Variants in ATP8A2 observed in about 807,000 individuals in gnomAD.
The protein encoded by ATP8A2 is ATPase phospholipid transporting 8A2.
ATP8A2 carries 100 observed loss-of-function variants against 165.6 expected under a neutral mutation model. That is an observed-to-expected ratio of 0.60 (90% CI 0.51 to 0.71). The LOEUF is 0.71. Ranked by LOEUF, ATP8A2 falls within the 30% of genes least tolerant of loss-of-function variation. ATP8A2 has a pLI of 0.00. For synonymous variants in ATP8A2, 543 were observed against 548.8 expected (o/e 0.99, Z 0.15); for missense variants, 1,227 against 1,479.5 (o/e 0.83, Z 2.80).
At chr13:25,534,147 G>T (rs771477361) in intron 6 of ATP8A2, 6 of 529,830 alleles carry the variant, frequency 1.1e-5, no homozygotes, top group South Asian at 2.8e-5. Context: ...TGCAGCATTT[G>T]CTTTAGTTTT....
intron 25 of ATP8A2, among the ~76,000 whole-genome samples, chr13:25,742,876 A>G (rs561634078): frequency 3.3e-5 from 5 of 152,070 alleles, no homozygotes; most frequent in Non-Finnish European, 5.9e-5. Flanking sequence ...TAGAACAGAC[A>G]AGTTTGGTGG....
chr13:25,776,694 C>T (rs896610717), intron 27 of ATP8A2, among the ~76,000 whole-genome samples: 13 of 152,222 alleles, frequency 8.5e-5, no homozygotes, highest in African/African-American at 2.2e-4. Flanking sequence ...AGGTCATGGA[C>T]GATAGTGTAA....
intron 27 of ATP8A2, among the ~76,000 whole-genome samples, chr13:25,819,227 AT>A (rs1446740027): frequency 6.6e-6 from 1 of 152,140 alleles, no homozygotes; most frequent in Non-Finnish European, 1.5e-5. Flanking sequence ...TAGAAGTGTT[AT>A]TAGTATGTGA....
rs981042099 is a variant in ATP8A2, at chr13:25,623,132, T to A, written c.2211+33433T>A. Among the ~76,000 whole-genome samples, 26 of 152,118 alleles carry A rather than the reference T, an allele frequency of 1.7e-4. 1 individual carries two copies. The highest frequency in any genetic ancestry group is 5.9e-5 in the Non-Finnish European group (4 of 68,008). ...CGCACAGTAGCTCATGCCTGTAATC[T>A]CAGCACTTTGGGAGGCCAAGGCGGG... is the stretch of plus-strand genomic sequence containing the variant. On this transcript the variant is annotated intron_variant, in intron 24 of 36. Coordinates refer to ENST00000381655, the MANE Select transcript of ATP8A2 (RefSeq NM_016529.6).
At chr13:25,640,984 A>C (rs1353754447) in intron 24 of ATP8A2, among the ~76,000 whole-genome samples, 1 of 152,222 alleles carries the variant, frequency 6.6e-6, no homozygotes, top group Non-Finnish European at 1.5e-5. Flanking sequence ...CAGCATATAA[A>C]CAGAACCAAA....
At chr13:25,656,091 G>A (rs1362133858) in intron 24 of ATP8A2, among the ~76,000 whole-genome samples, 7 of 152,124 alleles carry the variant, frequency 4.6e-5, no homozygotes, top group Non-Finnish European at 1.0e-4. Flanking sequence ...TGGACCCATC[G>A]CTGAAACCCT....
At chr13:25,620,674 A>T (rs546685819) in intron 24 of ATP8A2, among the ~76,000 whole-genome samples, 11 of 152,230 alleles carry the variant, frequency 7.2e-5, no homozygotes, top group Non-Finnish European at 1.5e-4. Flanking sequence ...ATGTTTAAAA[A>T]TCCTCATATT....
In ATP8A2 at chr13:25,792,866, G is replaced by A. The variant is rs376237242; in HGVS notation, c.2679+17907G>A. ...TTAAGCTCATGAGGTCGAGGCTGCA[G>A]TGAGCTATGATCACAGCACAACAAT... On this transcript the variant is annotated intron_variant, in intron 27 of 36. Transcript: ENST00000381655. 1.3e-4 allele frequency among the ~76,000 whole-genome samples: 20 copies of A among 151,872 alleles called. 1 individual carries two copies. The South Asian group carries it at 4.2e-3, about 32-fold the overall frequency.
intron 1 of ATP8A2, among the ~76,000 whole-genome samples, chr13:25,428,585 G>A (rs973703700): frequency 6.6e-6 from 1 of 152,196 alleles, no homozygotes; most frequent in African/African-American, 2.4e-5. Flanking sequence ...GGAGTCAAGA[G>A]GAGCCTCTGA....
Position 25,697,044 on chromosome 13 carries a change from G to T in ATP8A2, c.2212-2129G>T, listed in dbSNP as rs79782625. Among the ~76,000 whole-genome samples, 2,499 of 152,308 alleles carry T rather than the reference G, an allele frequency of 0.016. 180 individuals carry two copies. The East Asian group carries it at 0.23, about 14-fold the overall frequency. On this transcript the variant is annotated intron_variant, in intron 24 of 36. Coordinates refer to ENST00000381655, the MANE Select transcript of ATP8A2 (RefSeq NM_016529.6). ...AATGTGACACAGAGGCACGAAGTGA[G>T]CCGGTGCTGTTGGATAAATGGTGCT...
At chr13:25,641,581 C>T (rs2041523477) in intron 24 of ATP8A2, among the ~76,000 whole-genome samples, 1 of 152,134 alleles carries the variant, frequency 6.6e-6, no homozygotes, top group African/African-American at 2.4e-5. Flanking sequence ...GAACTACAAA[C>T]CACTGCTCAA....
At chr13:25,814,803 C>A (rs545454255) in intron 27 of ATP8A2, among the ~76,000 whole-genome samples, 1 of 152,098 alleles carries the variant, frequency 6.6e-6, no homozygotes, top group South Asian at 2.1e-4. Flanking sequence ...ATCACTTGAG[C>A]CAAGGAATTT....
intron 35 of ATP8A2, among the ~76,000 whole-genome samples, chr13:25,996,968 G>A (rs1956523478): frequency 6.6e-6 from 1 of 152,168 alleles, no homozygotes; most frequent in South Asian, 2.1e-4. Context: ...ACAGGCGTGA[G>A]CCACCATGCC....
chr13:25,752,417 T>C (rs1057467047), intron 25 of ATP8A2, among the ~76,000 whole-genome samples: 3 of 152,020 alleles, frequency 2.0e-5, no homozygotes, highest in African/African-American at 7.2e-5. Flanking sequence ...GAGATCATAC[T>C]CTTGCACTCC....
intron 2 of ATP8A2, among the ~76,000 whole-genome samples, chr13:25,489,983 T>C (rs2036472029): frequency 6.6e-6 from 1 of 152,242 alleles, no homozygotes; most frequent in South Asian, 2.1e-4. Flanking sequence ...TTAAAACTTG[T>C]GTGTTCAACA....
intron 33 of ATP8A2, among the ~76,000 whole-genome samples, chr13:25,912,195 C>T (rs1954131509): frequency 1.8e-5 from 2 of 109,940 alleles, no homozygotes; most frequent in African/African-American, 9.4e-5. Flanking sequence ...CACACACACA[C>T]AGTGGAATAG....
intron 2 of ATP8A2, among the ~76,000 whole-genome samples, chr13:25,515,952 A>G (rs551604347): frequency 2.0e-5 from 3 of 152,386 alleles, no homozygotes; most frequent in African/African-American, 7.2e-5. Flanking sequence ...AAACAAAGAA[A>G]TGTCAGTTAG....
At chr13:25,908,617 T>G (rs534953852) in intron 33 of ATP8A2, among the ~76,000 whole-genome samples, 1 of 152,226 alleles carries the variant, frequency 6.6e-6, no homozygotes, top group African/African-American at 2.4e-5. Context: ...AGTTGCTGAA[T>G]GGTGACTTCA....
chr13:25,577,404 G>C (rs1352160112), intron 20 of ATP8A2, among the ~76,000 whole-genome samples: 2 of 152,152 alleles, frequency 1.3e-5, no homozygotes, highest in East Asian at 1.9e-4. Flanking sequence ...CAAAATCCTT[G>C]AATGGGAATT....
Sources: gnomAD v4.1 joint callset for allele counts (sites outside exome capture counted in the v4.1 genomes callset) on GRCh38, gnomAD v4.1.1 for gene constraint, MANE v1.5 for transcripts, NCBI Gene and HGNC (gene_info 2026-07-23, HGNC 2026-07-21) for gene names.